IFT140: variants seen among roughly 807,000 people sequenced by gnomAD.
The protein encoded by IFT140 is intraflagellar transport protein 140 homolog.
Under a neutral mutation model 164.6 loss-of-function variants are expected in IFT140, and 133 were observed. That is an observed-to-expected ratio of 0.81 (90% CI 0.70 to 0.93). IFT140 has a LOEUF of 0.93. Among genes scored for constraint, IFT140 ranks in the 40% least tolerant of loss-of-function variants. IFT140 has a pLI of 0.00. For synonymous variants in IFT140, 860 were observed against 817.3 expected (o/e 1.05, Z -0.89); for missense variants, 2,045 against 1,972.3 (o/e 1.04, Z -0.70).
intron 19 of IFT140, among the ~76,000 whole-genome samples, chr16:1,530,422 C>A (rs771564849): frequency 6.6e-6 from 1 of 152,092 alleles, no homozygotes; most frequent in Non-Finnish European, 1.5e-5. Context: ...TGAGCCACTG[C>A]GCCCGGCCCA....
intron 12 of IFT140, among the ~76,000 whole-genome samples, chr16:1,581,495 G>A (rs1413606129): frequency 6.6e-6 from 1 of 151,612 alleles, no homozygotes; most frequent in Non-Finnish European, 1.5e-5. Context: ...ACCTACTTGG[G>A]AGGCTGAGGC....
At chr16:1,609,868 C>CA (rs1015792168) in intron 2 of IFT140, 1 of 152,182 alleles carries the variant, frequency 6.6e-6, no homozygotes, top group African/African-American at 2.4e-5. Context: ...TTTCTTGAAA[C>CA]AAAGTTCCAG....
intron 19 of IFT140, among the ~76,000 whole-genome samples, chr16:1,540,167 G>A (rs80113230): frequency 0.066 from 10,074 of 152,316 alleles, 567 homozygotes; most frequent in Admixed American, 0.18. Context: ...GCCTGGGGCC[G>A]GGGCAGATGT....
chr16:1,594,415 C>T lies in IFT140; in HGVS notation c.370-1827G>A, dbSNP rs575641625. Among the ~76,000 whole-genome samples, 15 of 152,124 alleles carry T rather than the reference C, an allele frequency of 9.9e-5. No individual in the cohort carries two copies. The East Asian group carries it at 1.4e-3, about 14-fold the overall frequency. Reference sequence around the variant, plus strand: ...TTTGTATTTTCTGTACAGATGGGGTCGCACTATGTTGCCCAGGCTGGTATC... The same window carrying T: ...TTTGTATTTTCTGTACAGATGGGGTTGCACTATGTTGCCCAGGCTGGTATC... On this transcript the variant is annotated intron_variant, in intron 4 of 30. Coordinates refer to ENST00000426508, the MANE Select transcript of IFT140 (RefSeq NM_014714.4).
intron 14 of IFT140, 57 bp from the exon 15 acceptor site, chr16:1,568,391 G>C (rs571544428): frequency 1.5e-6 from 2 of 1,372,228 alleles, no homozygotes; most frequent in Admixed American, 1.7e-5. Flanking sequence ...CCAATTCTCC[G>C]CCCACCCTGA....
intron 9 of IFT140, among the ~76,000 whole-genome samples, chr16:1,586,631 A>G (rs1194373693): frequency 2.0e-5 from 3 of 150,620 alleles, no homozygotes; most frequent in Non-Finnish European, 3.0e-5. Context: ...ATGCATGCAC[A>G]CACACACACA....
chr16:1,592,207 C>A lies in IFT140; in HGVS notation c.603G>T (p.Glu201Asp). The change falls in exon 6 of 31, where the codon GAG (glutamate) becomes GAT (aspartate). Residue 201 changes from glutamate to aspartate, a missense_variant. Transcript: ENST00000426508. ...TCAGACTGACAAAGAACAACAGCCC[C>A]TCGTGAGACCCCATCTTCAGCAAAC... ...SGSLLKMGSHEGLLFFVSLMD... is the reference protein window; with the variant it reads ...SGSLLKMGSHDGLLFFVSLMD... 6.2e-7 allele frequency: 1 copy of A among 1,614,194 alleles called. No homozygotes were observed. The highest frequency in any genetic ancestry group is 8.5e-7 in the Non-Finnish European group (1 of 1,180,032).
chr16:1,576,990 G>A (rs2034312871), intron 13 of IFT140: 1 of 152,218 alleles, frequency 6.6e-6, no homozygotes, highest in African/African-American at 2.4e-5. Context: ...CGAGTGGGCA[G>A]CTCCTCTCTC....
At chr16:1,586,780 C>A (rs2034906246) in intron 9 of IFT140, among the ~76,000 whole-genome samples, 1 of 152,234 alleles carries the variant, frequency 6.6e-6, no homozygotes, top group Admixed American at 6.5e-5. Flanking sequence ...CATCTTAGGT[C>A]ACTGCAGCCT....
At chr16:1,511,275 G>A (rs1227328568) in intron 30 of IFT140, 125 bp from the exon 31 acceptor site, 8 of 833,360 alleles carry the variant, frequency 9.6e-6, no homozygotes, top group African/African-American at 3.4e-5. Context: ...TGGAGGACAC[G>A]GGGTGCACTG....
chr16:1,536,219 C>T (rs558177034), intron 19 of IFT140, among the ~76,000 whole-genome samples: 1 of 152,354 alleles, frequency 6.6e-6, no homozygotes, highest in Admixed American at 6.5e-5. Flanking sequence ...GAAGCCTTGG[C>T]GCCCCTCCCT....
chr16:1,542,182 C>T, intron 19 of IFT140: 1 of 1,282,898 alleles, frequency 7.8e-7, no homozygotes, highest in Non-Finnish European at 1.0e-6. Context: ...AGCTGCAGGC[C>T]ATACCTCTCA....
At chr16:1,547,520 C>T (rs564275160) in intron 19 of IFT140, among the ~76,000 whole-genome samples, 5 of 152,114 alleles carry the variant, frequency 3.3e-5, no homozygotes, top group African/African-American at 4.8e-5. Flanking sequence ...TACAATAACC[C>T]GGTTCTTTGC....
At position 1,551,564 on chromosome 16, in the gene IFT140, G is replaced by A. The variant is rs1001061028; in HGVS notation, c.2399+6371C>T. On this transcript the variant is annotated intron_variant, in intron 19 of 30. Coordinates refer to ENST00000426508, the MANE Select transcript of IFT140 (RefSeq NM_014714.4). The surrounding 1 kb of genome is among the most constrained non-coding windows in gnomAD (Gnocchi z 4.0). The stretch of plus-strand genomic sequence containing the variant: ...TTCATACAGATCAGGGTGCAGCGGT[G>A]GAGGGAGGGCCGCCTGCATCAGTAT... 1.3e-5 allele frequency among the ~76,000 whole-genome samples: 2 copies of A among 152,192 alleles called. No homozygotes were observed. The highest frequency in any genetic ancestry group is 2.4e-5 in the African/African-American group (1 of 41,436).
intron 13 of IFT140, among the ~76,000 whole-genome samples, chr16:1,571,822 GACAA>G (rs1388225229): frequency 2.2e-4 from 34 of 152,214 alleles, no homozygotes; most frequent in Non-Finnish European, 1.9e-4. Context: ...CAGTGCGGTC[GACAA>G]ACAAATACAT....
intron 30 of IFT140, among the ~76,000 whole-genome samples, chr16:1,516,749 G>C (rs1185535871): frequency 7.6e-6 from 1 of 131,778 alleles, no homozygotes; most frequent in Non-Finnish European, 1.6e-5. Flanking sequence ...CAGCCTGGGC[G>C]ACAGAGCGAC....
intron 18 of IFT140, 112 bp downstream of exon 18, chr16:1,561,873 G>T: frequency 8.8e-7 from 1 of 1,138,138 alleles, no homozygotes; most frequent in Non-Finnish European, 1.2e-6. Flanking sequence ...AGGGAAGCCC[G>T]GCAGAGCCAC....
intron 8 of IFT140, 136 bp downstream of exon 8, chr16:1,587,797 T>G (rs573523828): frequency 4.5e-6 from 3 of 665,966 alleles, no homozygotes; most frequent in African/African-American, 1.8e-5. Flanking sequence ...AGCTGGTGAA[T>G]GGGTACGTCC....
At position 1,510,654 on chromosome 16, in the gene IFT140, A is replaced by G. The variant is rs2040109272; in HGVS notation, c.*290T>C. On this transcript the variant is annotated 3_prime_UTR_variant, in exon 31 of 31. Coordinates refer to ENST00000426508, the MANE Select transcript of IFT140 (RefSeq NM_014714.4). Reference sequence around the variant, plus strand: ...TTCTAGAAGTTTCTCAGGCTTTACAATGTGTAGTTGGGAGAATACGATGGA... The same window carrying G: ...TTCTAGAAGTTTCTCAGGCTTTACAGTGTGTAGTTGGGAGAATACGATGGA... 3.9e-6 allele frequency: 2 copies of G among 510,748 alleles called. No individual in the cohort carries two copies. Among genetic ancestry groups the G allele is most frequent in the South Asian group, 4.4e-5 (2 of 45,464 alleles). The allele number at this position is 510,748 out of a possible 1,614,324, so 31.6% of individuals were successfully genotyped here.
Sources: gnomAD v4.1 joint callset for allele counts (sites outside exome capture counted in the v4.1 genomes callset) on GRCh38, gnomAD v4.1.1 for gene constraint, Gnocchi (gnomAD v3.1) non-coding constraint, MANE v1.5 for transcripts, NCBI Gene and HGNC (gene_info 2026-07-23, HGNC 2026-07-21) for gene names.